AFAP1L1: variants seen among roughly 807,000 people sequenced by gnomAD.
AFAP1L1 encodes actin filament-associated protein 1-like 1.
AFAP1L1 carries 77 observed loss-of-function variants against 99.8 expected under a neutral mutation model. The ratio of observed to expected loss-of-function variants is 0.77; its 90% CI spans 0.64 to 0.93. The LOEUF (loss-of-function observed/expected upper bound fraction) is 0.93, where lower values mean the gene tolerates loss of function less well. Ranked by LOEUF, AFAP1L1 falls within the 40% of genes least tolerant of loss-of-function variation. The pLI is 0.00. For synonymous variants in AFAP1L1, 373 were observed against 395.3 expected, an observed-to-expected ratio of 0.94 and a Z score of 0.67; for missense variants, 893 against 996.8, an observed-to-expected ratio of 0.90 and a Z score of 1.40.
At chr5:149,288,036 C>G (rs553440776) in intron 1 of AFAP1L1, among the ~76,000 whole-genome samples, 3 of 152,102 alleles carry the variant, frequency 2.0e-5, no homozygotes, top group African/African-American at 7.2e-5. Flanking sequence ...GCTGTCAGCC[C>G]GGGGAGGTTG....
intron 18 of AFAP1L1, among the ~76,000 whole-genome samples, chr5:149,336,335 G>C (rs1757407274): frequency 6.6e-6 from 1 of 152,142 alleles, no homozygotes; most frequent in Non-Finnish European, 1.5e-5. Context: ...AGTCATATCA[G>C]GTCAGGTCAA....
intron 1 of AFAP1L1, among the ~76,000 whole-genome samples, chr5:149,299,153 C>T (rs896659428): frequency 6.6e-6 from 1 of 152,154 alleles, no homozygotes; most frequent in African/African-American, 2.4e-5. Flanking sequence ...TGAGAAAGGA[C>T]CCTGGTCAAG....
chr5:149,303,539 G>A (rs1264676822), intron 5 of AFAP1L1, among the ~76,000 whole-genome samples: 2 of 152,214 alleles, frequency 1.3e-5, no homozygotes, highest in Non-Finnish European at 2.9e-5. Flanking sequence ...ACAGTGGAAT[G>A]CTCTCCAACC....
Position 149,302,422 on chromosome 5 carries a change from C to A in AFAP1L1, c.332C>A (p.Ala111Asp). The change falls in exon 5 of 19, where the codon GCC becomes GAC. Residue 111 changes from alanine (A) to aspartate (D), a missense_variant. Transcript: ENST00000296721. Reference protein sequence around the residue: ...LAKSPRLRNAADLPPPLPNKP... With the variant: ...LAKSPRLRNADDLPPPLPNKP... The stretch of plus-strand genomic sequence containing the variant: ...CTCTTTTTTGTCCCCTTGCAGGCGG[C>A]CGACCTGCCTCCACCGCTCCCCAAC... 1 of 1,579,788 alleles carries A rather than the reference C, an allele frequency of 6.3e-7. No homozygotes were observed.
intron 11 of AFAP1L1, 92 bp from the exon 12 acceptor site, chr5:149,317,637 G>C: frequency 7.4e-7 from 1 of 1,351,202 alleles, no homozygotes; most frequent in South Asian, 1.3e-5. Context: ...AGGACCCCGA[G>C]GCCTTCTTTC....
At chr5:149,319,463 C>T in intron 12 of AFAP1L1, 119 bp from the exon 13 acceptor site, 1 of 1,168,386 alleles carries the variant, frequency 8.6e-7, no homozygotes, top group Non-Finnish European at 1.2e-6. Context: ...CCTCTTTGAC[C>T]CGAGTATCGG....
rs551538823 is a variant in AFAP1L1, at chr5:149,341,270, A to G, written c.*1240A>G. 1 of 152,304 alleles carries G rather than the reference A, an allele frequency of 6.6e-6. No homozygotes were observed. The highest frequency in any genetic ancestry group is 2.1e-4 in the South Asian group (1 of 4,828). 9.4% of individuals were successfully genotyped at this position (152,304 alleles called of 1,614,324 possible). A position where few individuals can be genotyped will look rare whatever the true frequency, so the allele number is the denominator to read the frequency against. ...CTAAGGTTTTACAGACTTTAGCCTC[A>G]CTCAAACTTTATCACCCTCTGAGGT... On this transcript the variant is annotated 3_prime_UTR_variant, in exon 19 of 19. Coordinates refer to ENST00000296721, the MANE Select transcript of AFAP1L1 (RefSeq NM_152406.4).
intron 1 of AFAP1L1, among the ~76,000 whole-genome samples, chr5:149,281,756 G>A (rs1320998942): frequency 2.0e-5 from 3 of 152,096 alleles, no homozygotes; most frequent in African/African-American, 7.3e-5. Context: ...ATGAATGTTG[G>A]AGGGTTATCT....
chr5:149,343,169 G>A lies in AFAP1L1; in HGVS notation c.*3139G>A, dbSNP rs1223349612. Among the ~76,000 whole-genome samples, 2 of 152,074 alleles carry A rather than the reference G, an allele frequency of 1.3e-5. No individual in the cohort carries two copies. The highest frequency in any genetic ancestry group is 1.3e-4 in the Admixed American group (2 of 15,268). On this transcript the variant is annotated 3_prime_UTR_variant, in exon 19 of 19. Coordinates refer to ENST00000296721, the MANE Select transcript of AFAP1L1 (RefSeq NM_152406.4). Reference sequence around the variant, plus strand: ...AAGTTATTGGTCATGACACATTTGAGTTGGACCTCGGATTAGATAAAAAGA... The same window carrying A: ...AAGTTATTGGTCATGACACATTTGAATTGGACCTCGGATTAGATAAAAAGA...
chr5:149,304,168 A>G (rs1460211682), intron 5 of AFAP1L1: 1 of 152,242 alleles, frequency 6.6e-6, no homozygotes, highest in East Asian at 1.9e-4. Flanking sequence ...CATGTTTTCT[A>G]GGTTCATCCA....
intron 5 of AFAP1L1, chr5:149,302,767 G>A: frequency 5.0e-6 from 2 of 399,864 alleles, no homozygotes; most frequent in Non-Finnish European, 4.5e-6. Flanking sequence ...GTGTGGCCTT[G>A]GAAAATCCCC....
In AFAP1L1 at chr5:149,341,824, G is replaced by A. The variant is rs1256156629; in HGVS notation, c.*1794G>A. 1 of 151,996 alleles carries A rather than the reference G, an allele frequency of 6.6e-6. No individual in the cohort carries two copies. The highest frequency in any genetic ancestry group is 2.4e-5 in the African/African-American group (1 of 41,354). The allele number at this position is 151,996 out of a possible 1,614,324, so 9.4% of individuals were successfully genotyped here. On this transcript the variant is annotated 3_prime_UTR_variant, in exon 19 of 19. Transcript: ENST00000296721. ...TCAGAAATGTCTGACTCACAAGCCT[G>A]TGTTCTTTCCACTGAAGAGGAAATT...
At chr5:149,321,924 G>A (rs1366626940) in intron 14 of AFAP1L1, among the ~76,000 whole-genome samples, 2 of 151,938 alleles carry the variant, frequency 1.3e-5, no homozygotes, top group African/African-American at 2.4e-5. Context: ...CCAACTACTC[G>A]GGAGGCTGAG....
chr5:149,315,779 GA>G (rs1457936820), intron 9 of AFAP1L1, 41 bp from the exon 10 acceptor site: 7 of 1,576,424 alleles, frequency 4.4e-6, no homozygotes, highest in Non-Finnish European at 5.2e-6. Context: ...GGGTACTTCT[GA>G]ATGTGCCCTC....
chr5:149,318,027 AC>A, intron 12 of AFAP1L1, 87 bp downstream of exon 12: 2 of 1,438,754 alleles, frequency 1.4e-6, no homozygotes, highest in Non-Finnish European at 1.9e-6. Flanking sequence ...AGCCCTTGCT[AC>A]TGACACCATG....
At chr5:149,333,008 G>A in intron 17 of AFAP1L1, 135 bp downstream of exon 17, 1 of 1,232,876 alleles carries the variant, frequency 8.1e-7, no homozygotes, top group Non-Finnish European at 1.1e-6. Context: ...AGTCCAAAGA[G>A]GTGAAGGGCA....
At chr5:149,327,698 T>C (rs1757135985) in intron 15 of AFAP1L1, among the ~76,000 whole-genome samples, 1 of 151,784 alleles carries the variant, frequency 6.6e-6, no homozygotes, top group Middle Eastern at 3.2e-3. Flanking sequence ...GGTAGAAGAA[T>C]CAGTGAACTT....
At chr5:149,272,664 G>A (rs924279840) in intron 1 of AFAP1L1, among the ~76,000 whole-genome samples, 1 of 152,208 alleles carries the variant, frequency 6.6e-6, no homozygotes, top group East Asian at 1.9e-4. Flanking sequence ...TAAGCCGAGA[G>A]GGCAGCATTC....
rs779281062 is a variant in AFAP1L1, at chr5:149,306,318, C to G, written c.449C>G (p.Pro150Arg). ...TGACAACCCACAGATGGCTGCAGCCCCTCACACTCGATTGTGGATGGCTAC... is the reference window on the plus strand; with the variant it reads ...TGACAACCCACAGATGGCTGCAGCCGCTCACACTCGATTGTGGATGGCTAC... ...EYISSHNGCS[P>R]SHSIVDGYYE... Residue 150 changes from proline to arginine, a missense_variant, in exon 6 of 19, where the codon CCC becomes CGC. Coordinates refer to ENST00000296721, the MANE Select transcript of AFAP1L1 (RefSeq NM_152406.4). 1 of 1,613,010 alleles carries G rather than the reference C, an allele frequency of 6.2e-7. No homozygotes were observed. The highest frequency in any genetic ancestry group is 1.7e-5 in the Admixed American group (1 of 59,936).
Sources: allele counts gnomAD v4.1 joint callset (sites outside exome capture counted in the v4.1 genomes callset), GRCh38; gene constraint gnomAD v4.1.1; transcripts MANE v1.5; gene names NCBI Gene and HGNC (gene_info 2026-07-23, HGNC 2026-07-21).